Variants in NBEA observed in about 807,000 individuals in gnomAD.
NBEA encodes the protein neurobeachin, also known as lysosomal-trafficking regulator 2.
NBEA carries 44 observed loss-of-function variants against 343.4 expected under a neutral mutation model. That is an observed-to-expected ratio of 0.13 (90% CI 0.10 to 0.16). The LOEUF (loss-of-function observed/expected upper bound fraction) is 0.16, where lower values mean the gene tolerates loss of function less well. Ranked by LOEUF, NBEA falls within the 10% of genes least tolerant of loss-of-function variation. The pLI is 1.00. For synonymous variants in NBEA, 1,175 were observed against 1,238.7 expected, an observed-to-expected ratio of 0.95 and a Z score of 1.08; for missense variants, 2,555 against 3,631.3, an observed-to-expected ratio of 0.70 and a Z score of 7.62.
intron 49 of NBEA, among the ~76,000 whole-genome samples, chr13:35,644,426 C>G (rs569450470): frequency 7.0e-6 from 1 of 142,398 alleles, no homozygotes; most frequent in East Asian, 1.9e-4. Flanking sequence ...AATGTTAATA[C>G]TTTCCTTTAA....
chr13:35,125,829 C>T (rs1306949313), intron 17 of NBEA, among the ~76,000 whole-genome samples: 1 of 134,824 alleles, frequency 7.4e-6, no homozygotes, highest in Non-Finnish European at 1.7e-5. Flanking sequence ...CAAATGCATA[C>T]ATACATACAT....
intron 23 of NBEA, 82 bp downstream of exon 23, chr13:35,162,049 A>G: frequency 8.6e-7 from 1 of 1,158,062 alleles, no homozygotes; most frequent in Non-Finnish European, 1.2e-6. Context: ...TGACAAAACC[A>G]AAAATCTGCC....
At chr13:35,655,399 A>C (rs917905778) in intron 54 of NBEA, among the ~76,000 whole-genome samples, 180 bp from the exon 55 acceptor site, 3 of 152,210 alleles carry the variant, frequency 2.0e-5, no homozygotes, top group Non-Finnish European at 4.4e-5. Context: ...CAAGAAAGCA[A>C]CCTGTAGCCA....
intron 34 of NBEA, among the ~76,000 whole-genome samples, chr13:35,243,069 C>T (rs2030587379): frequency 6.6e-6 from 1 of 151,754 alleles, no homozygotes; most frequent in African/African-American, 2.4e-5. Flanking sequence ...TAAAAACAAA[C>T]CTATGAATCT....
At chr13:35,024,511 A>G (rs976705324) in intron 1 of NBEA, among the ~76,000 whole-genome samples, 3 of 149,058 alleles carry the variant, frequency 2.0e-5, no homozygotes, top group Non-Finnish European at 3.0e-5. Context: ...GTCTCCACTG[A>G]AAAAAAAACA....
intron 36 of NBEA, among the ~76,000 whole-genome samples, chr13:35,313,373 C>T (rs559065401): frequency 6.6e-5 from 10 of 152,228 alleles, no homozygotes; most frequent in African/African-American, 1.9e-4. Context: ...TGCTATATCT[C>T]TATATTCTGG....
intron 41 of NBEA, chr13:35,474,689 C>A: frequency 5.4e-6 from 1 of 185,310 alleles, no homozygotes; most frequent in Non-Finnish European, 1.1e-5. Flanking sequence ...TGTTTACTCA[C>A]AGACAGATGC....
chr13:35,368,039 C>T (rs9315340), intron 38 of NBEA, among the ~76,000 whole-genome samples: 44,115 of 151,234 alleles, frequency 0.29, 8,277 homozygotes, highest in African/African-American at 0.54. Context: ...ATGTGAATAT[C>T]GGTTCCAAGT....
At chr13:35,049,403 CT>C (rs2062984398) in intron 5 of NBEA, among the ~76,000 whole-genome samples, 1 of 151,790 alleles carries the variant, frequency 6.6e-6, no homozygotes, top group Non-Finnish European at 1.5e-5. Flanking sequence ...CTTTTGGTGT[CT>C]TCAACTATAC....
chr13:35,360,477 C>T (rs1279100652), intron 38 of NBEA, among the ~76,000 whole-genome samples: 1 of 151,960 alleles, frequency 6.6e-6, no homozygotes, highest in African/African-American at 2.4e-5. Context: ...TCCAAAACTA[C>T]TCAATATACA....
intron 41 of NBEA, among the ~76,000 whole-genome samples, chr13:35,473,550 C>G (rs966533902): frequency 3.3e-5 from 5 of 152,182 alleles, no homozygotes; most frequent in Non-Finnish European, 7.3e-5. Flanking sequence ...GCCTTTTCAG[C>G]ACTTGTTGAC....
intron 13 of NBEA, among the ~76,000 whole-genome samples, chr13:35,111,699 C>G (rs996645919): frequency 1.3e-5 from 2 of 151,882 alleles, no homozygotes; most frequent in African/African-American, 2.4e-5. Flanking sequence ...TTAGAGCATT[C>G]TCTCATTTAT....
At chr13:35,196,790 ATTGT>A (rs527354702) in intron 31 of NBEA, among the ~76,000 whole-genome samples, 136 of 152,246 alleles carry the variant, frequency 8.9e-4, no homozygotes, top group African/African-American at 3.2e-3. Context: ...AAATTTTAAA[ATTGT>A]TTGTGGTCAT....
chr13:35,323,213 G>T (rs2152842063), intron 36 of NBEA, among the ~76,000 whole-genome samples: 1 of 152,022 alleles, frequency 6.6e-6, no homozygotes, highest in East Asian at 1.9e-4. Context: ...CCCATTACTG[G>T]GTATATACCC....
intron 38 of NBEA, among the ~76,000 whole-genome samples, chr13:35,382,625 T>C (rs571981476): frequency 6.6e-6 from 1 of 152,306 alleles, no homozygotes; most frequent in South Asian, 2.1e-4. Context: ...TTATCATTTC[T>C]ACATAAGCCT....
intron 39 of NBEA, among the ~76,000 whole-genome samples, chr13:35,451,846 A>G (rs1414791143): frequency 1.3e-5 from 2 of 152,172 alleles, no homozygotes; most frequent in African/African-American, 4.8e-5. Flanking sequence ...AGGTTCCTCC[A>G]AAATGCATGT....
At chr13:35,229,960 C>A (rs1302197551) in intron 33 of NBEA, among the ~76,000 whole-genome samples, 1 of 152,078 alleles carries the variant, frequency 6.6e-6, no homozygotes, top group Non-Finnish European at 1.5e-5. Context: ...GTAATTCCAG[C>A]AGAATTATTT....
At position 35,058,850 on chromosome 13, in the gene NBEA, G is replaced by C. The variant is rs1392083921; in HGVS notation, c.1226G>C (p.Gly409Ala). The change falls in exon 8 of 59, where the codon GGA becomes GCA. Residue 409 changes from glycine (G) to alanine (A), a missense_variant. By Grantham distance (60) the Gly-to-Ala change is moderately conservative. This residue lies in a region of NBEA where 75 missense variants were observed against 237.4 expected (regional missense o/e 0.32). Transcript: ENST00000379939. ...CAGATATTTGCAATTCATCAGTTAG[G>C]ACCTGGATATAAGGTAGTAATAACT... ...PAQIFAIHQLGPGYKSTFKFK... is the reference protein window; with the variant it reads ...PAQIFAIHQLAPGYKSTFKFK... 6.2e-7 allele frequency: 1 copy of C among 1,604,824 alleles called. No homozygotes were observed. The highest frequency in any genetic ancestry group is 8.5e-7 in the Non-Finnish European group (1 of 1,175,592).
intron 31 of NBEA, among the ~76,000 whole-genome samples, chr13:35,206,659 GT>G (rs1351560728): frequency 1.3e-5 from 2 of 152,014 alleles, no homozygotes; most frequent in Admixed American, 1.3e-4. Flanking sequence ...TTAGACAGTG[GT>G]AATGATTATT....
Sources: allele counts gnomAD v4.1 joint callset (sites outside exome capture counted in the v4.1 genomes callset), GRCh38; gene constraint gnomAD v4.1.1; regional missense constraint gnomAD v4.1.1; transcripts MANE v1.5; gene names NCBI Gene and HGNC (gene_info 2026-07-23, HGNC 2026-07-21).